RSRC1: variants seen among roughly 807,000 people sequenced by gnomAD.
RSRC1 encodes serine/Arginine-related protein 53.
RSRC1 carries 39 observed loss-of-function variants against 49.1 expected under a neutral mutation model. The observed-to-expected ratio is 0.79, with a 90% CI of 0.61 to 1.04. The LOEUF is 1.04. RSRC1 is among the 50% of genes least tolerant of loss of function. The pLI, the probability that RSRC1 is intolerant of heterozygous loss-of-function variation, is 0.00. For missense variants in RSRC1, 388 were observed against 402.4 expected (o/e 0.96, Z 0.31); for synonymous variants, 143 against 130.8 (o/e 1.09, Z -0.63).
chr3:158,128,645 A>C, intron 3 of RSRC1, among the ~76,000 whole-genome samples: 1 of 152,336 alleles, frequency 6.6e-6, no homozygotes, highest in African/African-American at 2.4e-5. Flanking sequence ...TAACATTGAT[A>C]CAGTTCTAGT....
At position 158,539,550 on chromosome 3, in the gene RSRC1, A is replaced by C. The variant is rs1712915567; in HGVS notation, c.759+2352A>C. Among the ~76,000 whole-genome samples the C allele has an allele frequency of 6.6e-6, 1 of 152,086 alleles. No individual in the cohort carries two copies. The highest frequency in any genetic ancestry group is 2.1e-4 in the South Asian group (1 of 4,832). ...AAAAGAAGGGTAAATACCCCTATGC[A>C]GCATGGTCTTTTGGCCTACTTGGAA... On this transcript the variant is annotated intron_variant, in intron 8 of 9. Coordinates refer to ENST00000611884, the MANE Select transcript of RSRC1 (RefSeq NM_001271838.2). The surrounding 1 kb of genome is among the most constrained non-coding windows in gnomAD (Gnocchi z 4.1).
At chr3:158,247,512 CTCT>C (rs1723971448) in intron 4 of RSRC1, among the ~76,000 whole-genome samples, 1 of 152,096 alleles carries the variant, frequency 6.6e-6, no homozygotes, top group South Asian at 2.1e-4. Flanking sequence ...CAGGGTTTTG[CTCT>C]TCTTTGTGGG....
At chr3:158,342,941 G>A (rs1730338466) in intron 5 of RSRC1, among the ~76,000 whole-genome samples, 2 of 152,198 alleles carry the variant, frequency 1.3e-5, no homozygotes, top group Admixed American at 6.5e-5. Flanking sequence ...GCAGAGCCTA[G>A]TGGTCTCCTT....
At chr3:158,497,264 T>C (rs1739374454) in intron 7 of RSRC1, among the ~76,000 whole-genome samples, 1 of 149,982 alleles carries the variant, frequency 6.7e-6, no homozygotes, top group Non-Finnish European at 1.5e-5. Flanking sequence ...TACTTTTTTT[T>C]CCATAAGTTA....
intron 6 of RSRC1, among the ~76,000 whole-genome samples, chr3:158,425,541 G>GA (rs1032452867): frequency 2.6e-5 from 4 of 151,950 alleles, no homozygotes; most frequent in African/African-American, 4.8e-5. Context: ...GTGTGGTGCT[G>GA]AAAAAAATGT....
chr3:158,402,093 T>C (rs912258046), intron 6 of RSRC1, among the ~76,000 whole-genome samples: 2 of 151,954 alleles, frequency 1.3e-5, no homozygotes, highest in African/African-American at 2.4e-5. Flanking sequence ...CAAAAAGGAA[T>C]TCCCAAGGCA....
chr3:158,330,784 T>C (rs1226612064), intron 5 of RSRC1, among the ~76,000 whole-genome samples: 1 of 151,998 alleles, frequency 6.6e-6, no homozygotes, highest in Non-Finnish European at 1.5e-5. Context: ...TCTATAAATA[T>C]TATATCAATT....
At chr3:158,368,927 A>G (rs1391221114) in intron 6 of RSRC1, among the ~76,000 whole-genome samples, 6 of 152,116 alleles carry the variant, frequency 3.9e-5, no homozygotes, top group South Asian at 2.1e-4. Flanking sequence ...ATTAATTTGG[A>G]TATCAGATAA....
intron 6 of RSRC1, among the ~76,000 whole-genome samples, chr3:158,358,670 C>T (rs1269635751): frequency 6.6e-6 from 1 of 152,076 alleles, no homozygotes; most frequent in Non-Finnish European, 1.5e-5. Flanking sequence ...AGTACATTCA[C>T]AGTTTTGTAC....
At chr3:158,289,520 A>G (rs1159320881) in intron 4 of RSRC1, among the ~76,000 whole-genome samples, 1 of 152,252 alleles carries the variant, frequency 6.6e-6, no homozygotes, top group Non-Finnish European at 1.5e-5. Flanking sequence ...CAAATGATTT[A>G]TAAGTTCTAG....
chr3:158,310,955 T>G (rs1233483757), intron 5 of RSRC1, among the ~76,000 whole-genome samples: 1 of 151,852 alleles, frequency 6.6e-6, no homozygotes, highest in East Asian at 1.9e-4. Flanking sequence ...TATAAAATGT[T>G]TATACTAATC....
intron 3 of RSRC1, among the ~76,000 whole-genome samples, chr3:158,197,927 G>A (rs963325841): frequency 1.4e-4 from 22 of 152,120 alleles, no homozygotes; most frequent in Admixed American, 1.4e-3. Flanking sequence ...GGTCAGTTTT[G>A]GAGTAGGAGT....
In RSRC1 at chr3:158,388,592, C is replaced by A. The variant is rs147141738; in HGVS notation, c.583+33684C>A. Among the ~76,000 whole-genome samples, 1,375 of 145,532 alleles carry A rather than the reference C, an allele frequency of 9.4e-3. 26 individuals are homozygous for A. The highest frequency in any genetic ancestry group is 0.033 in the African/African-American group (1,310 of 39,494). The stretch of plus-strand genomic sequence containing the variant: ...GACAATTTACCAGGCATTTGGGGAG[C>A]CAAATTAGCCGTGTTTTTTGTTTTT... On this transcript the variant is annotated intron_variant, in intron 6 of 9. Transcript: ENST00000611884.
At chr3:158,381,268 A>ATACTG (rs141056361) in intron 6 of RSRC1, among the ~76,000 whole-genome samples, 13,975 of 152,124 alleles carry the variant, frequency 0.092, 2,179 homozygotes, top group African/African-American at 0.32. Flanking sequence ...ACTGTTATAC[A>ATACTG]TACTGTACTA....
intron 7 of RSRC1, among the ~76,000 whole-genome samples, chr3:158,514,310 T>C (rs1316358074): frequency 6.6e-6 from 1 of 152,246 alleles, no homozygotes; most frequent in African/African-American, 2.4e-5. Flanking sequence ...GATTGTGGTA[T>C]GTTGTGTCTT....
chr3:158,353,995 C>CTTTTTTTTT (rs1230649090), intron 5 of RSRC1, among the ~76,000 whole-genome samples: 2,690 of 95,986 alleles, frequency 0.028, 20 homozygotes, highest in Non-Finnish European at 0.037. Context: ...GTTTCTTTTT[C>CTTTTTTTTT]TTTTTTTTTT....
At chr3:158,145,613 G>A (rs1356440112) in intron 3 of RSRC1, among the ~76,000 whole-genome samples, 6 of 152,044 alleles carry the variant, frequency 3.9e-5, no homozygotes, top group Non-Finnish European at 5.9e-5. Context: ...TTGGCAATGC[G>A]GGCTCTTTTT....
At chr3:158,359,403 T>G (rs188337635) in intron 6 of RSRC1, among the ~76,000 whole-genome samples, 1 of 152,280 alleles carries the variant, frequency 6.6e-6, no homozygotes, top group East Asian at 1.9e-4. Flanking sequence ...TTGTATTTCA[T>G]CTTGATTTTT....
intron 5 of RSRC1, among the ~76,000 whole-genome samples, chr3:158,328,431 G>T (rs1026401719): frequency 3.7e-5 from 5 of 135,382 alleles, no homozygotes; most frequent in African/African-American, 1.3e-4. Context: ...AGGCCTGGTG[G>T]TGACAAAAAT....
Sources: allele counts gnomAD v4.1 joint callset (sites outside exome capture counted in the v4.1 genomes callset), GRCh38; gene constraint gnomAD v4.1.1; non-coding constraint Gnocchi (gnomAD v3.1); transcripts MANE v1.5; gene names NCBI Gene and HGNC (gene_info 2026-07-23, HGNC 2026-07-21).